NT5DC3: variants seen among roughly 807,000 people sequenced by gnomAD.
The protein encoded by NT5DC3 is 5'-nucleotidase domain containing 3.
NT5DC3 carries 42 observed loss-of-function variants against 67.8 expected under a neutral mutation model. The observed-to-expected ratio is 0.62, with a 90% CI of 0.48 to 0.80. The LOEUF (loss-of-function observed/expected upper bound fraction) is 0.80, where lower values mean the gene tolerates loss of function less well. Among genes scored for constraint, NT5DC3 ranks in the 30% least tolerant of loss-of-function variants. NT5DC3 has a pLI of 0.00. For missense variants in NT5DC3, 570 were observed against 696.4 expected, an observed-to-expected ratio of 0.82 and a Z score of 2.04; for synonymous variants, 237 against 255.6, an observed-to-expected ratio of 0.93 and a Z score of 0.69.
the NT5DC3 span, among the ~76,000 whole-genome samples, chr12:103,751,487 G>A: frequency 6.6e-6 from 1 of 152,168 alleles, no homozygotes; most frequent in Non-Finnish European, 1.5e-5. Context: ...TGGTGGTGCT[G>A]GGTTAAAGCA....
chr12:103,798,556 T>G, intron 5 of NT5DC3, 31 bp downstream of exon 5: 1 of 1,479,544 alleles, frequency 6.8e-7, no homozygotes, highest in Non-Finnish European at 9.4e-7. Flanking sequence ...GGAAAAAGGC[T>G]GCTTTAAATG....
the NT5DC3 span, chr12:103,758,020 G>A: frequency 0.17 from 193,637 of 1,139,424 alleles, 18,585 homozygotes; most frequent in East Asian, 0.4. Context: ...CTCCCACGGC[G>A]CAGGCAGAAG....
chr12:103,777,835 G>C lies in NT5DC3; in HGVS notation c.1641C>G (p.Ala547=). The change falls in exon 14 of 14, where the codon GCC becomes GCG. Residue 547 remains alanine, a synonymous_variant. Coordinates refer to ENST00000392876, the MANE Select transcript of NT5DC3 (RefSeq NM_001031701.3). The part of the protein sequence containing the change: ...FGTPLLQEAQ[A]K ...TTCTAGTTTTTGCCCTTGGCTACTT[G>C]GCCTGGGCCTCCTGCAGGAGAGGGG... 1 of 1,611,358 alleles carries C rather than the reference G, an allele frequency of 6.2e-7. No homozygotes were observed. Among genetic ancestry groups the C allele is most frequent in the Non-Finnish European group, 8.5e-7 (1 of 1,178,854 alleles).
At chr12:103,825,119 T>C (rs1221352962) in intron 1 of NT5DC3, among the ~76,000 whole-genome samples, 1 of 152,212 alleles carries the variant, frequency 6.6e-6, no homozygotes, top group African/African-American at 2.4e-5. Context: ...TCATTGTGTC[T>C]GATAATCTAA....
At chr12:103,753,314 G>A in the NT5DC3 span, 80 of 1,614,086 alleles carry the variant, frequency 5.0e-5, no homozygotes, top group African/African-American at 8.9e-4. Context: ...ACGAAGCTGC[G>A]ACCATGGCAA....
At chr12:103,786,827 C>A (rs750220121) in intron 11 of NT5DC3, among the ~76,000 whole-genome samples, 6 of 151,950 alleles carry the variant, frequency 3.9e-5, no homozygotes, top group Non-Finnish European at 7.4e-5. Context: ...GGATTACAGG[C>A]GTGTGCTACC....
chr12:103,809,653 GACTTATTC>G (rs1405786442), intron 2 of NT5DC3, among the ~76,000 whole-genome samples: 1 of 152,118 alleles, frequency 6.6e-6, no homozygotes, highest in East Asian at 1.9e-4. Context: ...GATTTCTTGG[GACTTATTC>G]ACTATTGTGA....
At chr12:103,803,410 CAT>C (rs1209467374) in intron 4 of NT5DC3, among the ~76,000 whole-genome samples, 5 of 152,128 alleles carry the variant, frequency 3.3e-5, no homozygotes, top group Non-Finnish European at 7.3e-5. Context: ...GAAAATGAGA[CAT>C]GTGCACAAAA....
chr12:103,832,206 A>G (rs1887962115), intron 1 of NT5DC3, among the ~76,000 whole-genome samples: 1 of 151,848 alleles, frequency 6.6e-6, no homozygotes, highest in Non-Finnish European at 1.5e-5. Context: ...TTTTTAGACG[A>G]TCTAGTCTGC....
rs376961953 is a variant in NT5DC3, at chr12:103,828,696, C to CTTTTT, written c.208+12248_208+12252dup. ...TACCACTCTCCTGCATTTTTTCTTT[C>CTTTTT]TTTTTATTTTTTTTTTTTGGAGACG... On this transcript the variant is annotated intron_variant, in intron 1 of 13. Coordinates refer to ENST00000392876, the MANE Select transcript of NT5DC3 (RefSeq NM_001031701.3). 1.3e-4 allele frequency among the ~76,000 whole-genome samples: 18 copies of CTTTTT among 136,350 alleles called. 1 individual carries two copies. Among genetic ancestry groups the CTTTTT allele is most frequent in the Admixed American group, 2.3e-4 (3 of 12,928 alleles). The allele number at this position is 136,350 out of a possible 152,430, so 89.5% of individuals were successfully genotyped here.
At chr12:103,839,765 A>G (rs1396824083) in intron 1 of NT5DC3, among the ~76,000 whole-genome samples, 1 of 152,216 alleles carries the variant, frequency 6.6e-6, no homozygotes, top group African/African-American at 2.4e-5. Context: ...GCAAAGGGAA[A>G]CTAAGAAAGT....
chr12:103,746,965 T>A, the NT5DC3 span, among the ~76,000 whole-genome samples: 2 of 149,416 alleles, frequency 1.3e-5, no homozygotes, highest in African/African-American at 4.9e-5. Flanking sequence ...TTTTTTTTTT[T>A]TTTTTTCCGA....
the NT5DC3 span, chr12:103,757,873 A>C: frequency 1.2e-4 from 46 of 375,192 alleles, no homozygotes; most frequent in East Asian, 2.8e-4. Context: ...GTGGGGGGCC[A>C]CTGCAGGATT....
At chr12:103,752,359 G>T in the NT5DC3 span, among the ~76,000 whole-genome samples, 2 of 152,148 alleles carry the variant, frequency 1.3e-5, no homozygotes, top group African/African-American at 2.4e-5. Context: ...TTTGACTTAC[G>T]CACTGTGCTA....
chr12:103,750,272 C>T, the NT5DC3 span, among the ~76,000 whole-genome samples: 1 of 152,128 alleles, frequency 6.6e-6, no homozygotes, highest in Non-Finnish European at 1.5e-5. Flanking sequence ...TCAGAGAGCA[C>T]AAGGAGCCCT....
At chr12:103,783,831 T>G (rs1885655620) in intron 12 of NT5DC3, among the ~76,000 whole-genome samples, 1 of 150,592 alleles carries the variant, frequency 6.6e-6, no homozygotes, top group Non-Finnish European at 1.5e-5. Flanking sequence ...TAAAATATAC[T>G]GATACCATCT....
the NT5DC3 span, among the ~76,000 whole-genome samples, chr12:103,762,984 C>T: frequency 6.6e-6 from 1 of 152,246 alleles, no homozygotes; most frequent in Admixed American, 6.5e-5. Context: ...CTGGCCCACC[C>T]TCTCCTCAAA....
intron 2 of NT5DC3, among the ~76,000 whole-genome samples, chr12:103,811,901 C>T (rs1002330484): frequency 6.6e-6 from 1 of 151,956 alleles, no homozygotes; most frequent in African/African-American, 2.4e-5. Context: ...AGAGATCAGA[C>T]ATGGACACGG....
At chr12:103,787,715 T>C (rs1434216551) in intron 10 of NT5DC3, among the ~76,000 whole-genome samples, 188 bp from the exon 11 acceptor site, 1 of 152,238 alleles carries the variant, frequency 6.6e-6, no homozygotes, top group African/African-American at 2.4e-5. Context: ...GAAGGATTTA[T>C]ATTATATACA....
Sources: gnomAD v4.1 joint callset for allele counts (sites outside exome capture counted in the v4.1 genomes callset) on GRCh38, gnomAD v4.1.1 for gene constraint, MANE v1.5 for transcripts, NCBI Gene and HGNC (gene_info 2026-07-23, HGNC 2026-07-21) for gene names.